The following IL31RA variants were observed in gnomAD, a reference collection of about 807,000 sequenced individuals.
IL31RA encodes the protein interleukin 31 receptor A.
In IL31RA, 66 loss-of-function variants were observed where a neutral mutation model predicts 83.7. The ratio of observed to expected loss-of-function variants is 0.79; its 90% CI spans 0.65 to 0.97. The LOEUF is 0.97. IL31RA is among the 50% of genes least tolerant of loss of function. The pLI is 0.00. For synonymous variants in IL31RA, 325 were observed against 329.0 expected (o/e 0.99, Z 0.13); for missense variants, 798 against 919.4 (o/e 0.87, Z 1.71).
intron 5 of IL31RA, among the ~76,000 whole-genome samples, 182 bp downstream of exon 5, chr5:55,883,377 T>G (rs1374435724): frequency 6.6e-6 from 1 of 152,196 alleles, no homozygotes; most frequent in Non-Finnish European, 1.5e-5. Context: ...ATTGGAAGGG[T>G]GTTCTACAAT....
chr5:55,867,245 TTGTG>T (rs1172512132), intron 2 of IL31RA, among the ~76,000 whole-genome samples: 2 of 40,076 alleles, frequency 5.0e-5, no homozygotes, highest in Admixed American at 2.5e-4. Context: ...GTGTGTGTGT[TTGTG>T]TGTGCGTGTG....
rs1748929002 is a variant in IL31RA, at chr5:55,903,171, T to C, written c.1070-2935T>C. Reference sequence around the variant, plus strand: ...GAGACAGCAGGCAGCGGTGGCGTGGTCCCAGGCAGGGCATCGGAAAGCCCG... The same window carrying C: ...GAGACAGCAGGCAGCGGTGGCGTGGCCCCAGGCAGGGCATCGGAAAGCCCG... On this transcript the variant is annotated intron_variant, in intron 8 of 14. Transcript: ENST00000652347. This position sits in a 1 kb window ranked among gnomAD's most constrained non-coding sequence, Gnocchi z 4.7. Among the ~76,000 whole-genome samples the C allele has an allele frequency of 6.6e-6, 1 of 151,606 alleles. No homozygotes were observed. Among genetic ancestry groups the C allele is most frequent in the Non-Finnish European group, 1.5e-5 (1 of 67,816 alleles).
chr5:55,867,302 T>C (rs1030256061), intron 2 of IL31RA, among the ~76,000 whole-genome samples: 27 of 96,338 alleles, frequency 2.8e-4, no homozygotes, highest in African/African-American at 1.4e-3. Context: ...TGTGTGTGTG[T>C]GCGTGTGTGT....
At chr5:55,853,458 G>A in intron 1 of IL31RA, 1 of 1,543,732 alleles carries the variant, frequency 6.5e-7, no homozygotes, top group East Asian at 2.4e-5. Context: ...ATAAATTAAA[G>A]TCCAGATTGT....
intron 13 of IL31RA, 146 bp from the exon 14 acceptor site, chr5:55,914,701 T>G: frequency 1.4e-6 from 1 of 717,588 alleles, no homozygotes; most frequent in Non-Finnish European, 2.5e-6. Context: ...CAACTCCACT[T>G]TCCCAGGTTC....
chr5:55,891,534 T>C (rs182698059), intron 6 of IL31RA, among the ~76,000 whole-genome samples: 276 of 152,242 alleles, frequency 1.8e-3, no homozygotes, highest in African/African-American at 6.5e-3. Flanking sequence ...CTTGTGGTCC[T>C]TCTTCCATCT....
chr5:55,910,854 A>AG (rs2112575824), intron 12 of IL31RA, among the ~76,000 whole-genome samples, 182 bp downstream of exon 12: 1 of 152,292 alleles, frequency 6.6e-6, no homozygotes, highest in East Asian at 1.9e-4. Context: ...GGGAGGGAAG[A>AG]GCAGGCAAGT....
intron 2 of IL31RA, among the ~76,000 whole-genome samples, chr5:55,862,677 G>A (rs1172480478): frequency 6.6e-6 from 1 of 152,174 alleles, no homozygotes; most frequent in Non-Finnish European, 1.5e-5. Context: ...AAAGTGCTGG[G>A]ATTACAGGTG....
chr5:55,909,617 G>C (rs1749371073), intron 11 of IL31RA, among the ~76,000 whole-genome samples: 1 of 151,816 alleles, frequency 6.6e-6, no homozygotes, highest in African/African-American at 2.4e-5. Flanking sequence ...TGTCCTGGTA[G>C]GTATGTAGTG....
chr5:55,910,767 G>A (rs1378356541), intron 12 of IL31RA, 95 bp downstream of exon 12: 1 of 1,387,896 alleles, frequency 7.2e-7, no homozygotes, highest in African/African-American at 1.4e-5. Context: ...GAAGCCAAAT[G>A]AAAGGGCAGT....
chr5:55,859,614 G>T lies in IL31RA; in HGVS notation c.154+15G>T. On this transcript the variant is annotated intron_variant, in intron 2 of 14. Transcript: ENST00000652347. Reference sequence around the variant, plus strand: ...CAGCCTGGCAGGTAGGTTGACCTGGGCCCTTTTACAGATCATGTGATTATT... The same window carrying T: ...CAGCCTGGCAGGTAGGTTGACCTGGTCCCTTTTACAGATCATGTGATTATT... The T allele has an allele frequency of 6.5e-7, 1 of 1,541,768 alleles. No homozygotes were observed. The highest frequency in any genetic ancestry group is 1.1e-5 in the South Asian group (1 of 89,600).
intron 7 of IL31RA, among the ~76,000 whole-genome samples, chr5:55,897,000 A>AT (rs1167600915): frequency 0.031 from 8 of 254 alleles, 3 homozygotes; most frequent in African/African-American, 0.076. Context: ...AAAAAAAAAA[A>AT]ATATATATAT....
chr5:55,851,493 C>G lies in IL31RA; in HGVS notation c.-78C>G. On this transcript the variant is annotated 5_prime_UTR_variant, in exon 1 of 15. Coordinates refer to ENST00000652347, the MANE Select transcript of IL31RA (RefSeq NM_139017.7). The stretch of plus-strand genomic sequence containing the variant: ...AATAACCAGCATGGCACTAAATAGA[C>G]CATGAAAAGACATGTGTGTGCAGTA... 1.2e-6 allele frequency: 2 copies of G among 1,613,354 alleles called. No individual in the cohort carries two copies. The highest frequency in any genetic ancestry group is 1.7e-6 in the Non-Finnish European group (2 of 1,179,590).
the IL31RA span, among the ~76,000 whole-genome samples, chr5:55,845,123 T>C: frequency 6.6e-6 from 1 of 152,250 alleles, no homozygotes; most frequent in Non-Finnish European, 1.5e-5. Context: ...TGATGCTTGC[T>C]TTGTCTCTTT....
intron 7 of IL31RA, 51 bp from the exon 8 acceptor site, chr5:55,899,865 C>A: frequency 7.5e-7 from 1 of 1,328,210 alleles, no homozygotes; most frequent in Non-Finnish European, 1.1e-6. Flanking sequence ...TGTCTCAATG[C>A]CTTTCTTTTT....
intron 5 of IL31RA, 48 bp downstream of exon 5, chr5:55,883,243 A>AAG: frequency 6.8e-7 from 1 of 1,471,856 alleles, no homozygotes; most frequent in Non-Finnish European, 9.5e-7. Context: ...CCCAGAGGAA[A>AAG]AGAATCATTG....
chr5:55,914,875 G>A lies in IL31RA; in HGVS notation c.1765G>A (p.Val589Ile), dbSNP rs201982561. ...ATTGACTCATCTGTGTTGGCCCACC[G>A]TTCCCAACCCTGCTGAAAGTAGTAT... The part of the protein sequence containing the change: ...NKLTHLCWPT[V>I]PNPAESSIAT... Residue 589 changes from valine to isoleucine, a missense_variant, in exon 14 of 15, where the codon GTT (valine) becomes ATT (isoleucine). Val to Ile is a conservative substitution (Grantham distance 29, BLOSUM62 3). Coordinates refer to ENST00000652347, the MANE Select transcript of IL31RA (RefSeq NM_139017.7). 2.3e-5 allele frequency: 37 copies of A among 1,613,540 alleles called. No individual in the cohort carries two copies. Among genetic ancestry groups the A allele is most frequent in the Admixed American group, 1.8e-4 (11 of 60,026 alleles).
intron 5 of IL31RA, among the ~76,000 whole-genome samples, chr5:55,885,718 T>A (rs1321748588): frequency 1.3e-5 from 2 of 152,194 alleles, no homozygotes; most frequent in Non-Finnish European, 2.9e-5. Flanking sequence ...TTCAGAGAGA[T>A]GATAATGGCC....
chr5:55,867,198 T>TA (rs1561543278), intron 2 of IL31RA, among the ~76,000 whole-genome samples: 2 of 20,722 alleles, frequency 9.7e-5, no homozygotes, highest in African/African-American at 1.6e-4. Flanking sequence ...TTTGTGTGTG[T>TA]TTGTGTGTGT....
Sources: gnomAD v4.1 joint callset for allele counts (sites outside exome capture counted in the v4.1 genomes callset) on GRCh38, gnomAD v4.1.1 for gene constraint, Gnocchi (gnomAD v3.1) non-coding constraint, MANE v1.5 for transcripts, NCBI Gene and HGNC (gene_info 2026-07-23, HGNC 2026-07-21) for gene names.